The following SUN5 variants were observed in gnomAD, a reference collection of about 807,000 sequenced individuals.
SUN5 encodes the protein SUN domain-containing protein 5.
SUN5 carries 44 observed loss-of-function variants against 53.7 expected under a neutral mutation model. The ratio of observed to expected loss-of-function variants is 0.82; its 90% CI spans 0.64 to 1.05. The LOEUF (loss-of-function observed/expected upper bound fraction) is 1.05. Ranked by LOEUF, SUN5 falls within the 50% of genes least tolerant of loss-of-function variation. The pLI, the probability that SUN5 is intolerant of heterozygous loss-of-function variation, is 0.00. For synonymous variants in SUN5, 166 were observed against 179.8 expected, an observed-to-expected ratio of 0.92 and a Z score of 0.62; for missense variants, 433 against 483.8, an observed-to-expected ratio of 0.90 and a Z score of 0.98.
chr20:33,000,406 G>T (rs1378784009), intron 4 of SUN5, among the ~76,000 whole-genome samples: 4 of 152,200 alleles, frequency 2.6e-5, no homozygotes, highest in Non-Finnish European at 5.9e-5. Context: ...GCTGAGCTAG[G>T]CTCAGAATAG....
chr20:32,985,308 G>T lies in SUN5; in HGVS notation c.898-123C>A, dbSNP rs147902721. ...GGAGCTCACTACCTCTTTGGGCACCGTTTCACTGTGGCACAGTGTAATGAA... is the reference window on the plus strand; with the variant it reads ...GGAGCTCACTACCTCTTTGGGCACCTTTTCACTGTGGCACAGTGTAATGAA... On this transcript the variant is annotated intron_variant, in intron 11 of 12. Coordinates refer to ENST00000356173, the MANE Select transcript of SUN5 (RefSeq NM_080675.4). 6 of 814,482 alleles carry T rather than the reference G, an allele frequency of 7.4e-6. No homozygotes were observed. In the African/African-American group the frequency reaches 8.5e-5, roughly 12 times the overall value. The allele number at this position is 814,482 out of a possible 1,614,324, so 50.5% of individuals were successfully genotyped here.
At chr20:33,001,723 C>T (rs747137159) in intron 3 of SUN5, among the ~76,000 whole-genome samples, 5 of 132,688 alleles carry the variant, frequency 3.8e-5, no homozygotes, top group Non-Finnish European at 7.8e-5. Flanking sequence ...GGCTGGAGTG[C>T]AGTGGCATGA....
At chr20:32,989,316 G>A (rs1989642494) in intron 9 of SUN5, among the ~76,000 whole-genome samples, 1 of 152,102 alleles carries the variant, frequency 6.6e-6, no homozygotes, top group African/African-American at 2.4e-5. Context: ...GGTGGGTGGG[G>A]GTGGTGGAGA....
At chr20:32,998,824 C>T (rs759789302) in intron 5 of SUN5, among the ~76,000 whole-genome samples, 80 of 149,402 alleles carry the variant, frequency 5.4e-4, no homozygotes, top group Non-Finnish European at 8.3e-4. Context: ...TAGACCAAAC[C>T]GGGCAACACA....
rs951159609 is a variant in SUN5, at chr20:32,987,720, G to A, written c.669C>T (p.His223=). ...TSVTYNHEKA[H]SYWNWIQLWN... ...ACAGCTGGATCCAGTTCCAGTAGGAGTGGGCCTTCTCATGGTTATAGGTGA... is the reference window on the plus strand; with the variant it reads ...ACAGCTGGATCCAGTTCCAGTAGGAATGGGCCTTCTCATGGTTATAGGTGA... The change falls in exon 10 of 13, where the codon CAC becomes CAT. Residue 223 remains histidine (H), a synonymous_variant. Transcript: ENST00000356173. 1 of 1,613,562 alleles carries A rather than the reference G, an allele frequency of 6.2e-7. No individual in the cohort carries two copies. Among genetic ancestry groups the A allele is most frequent in the African/African-American group, 1.3e-5 (1 of 74,886 alleles).
intron 1 of SUN5, among the ~76,000 whole-genome samples, chr20:33,003,373 C>A (rs1009584912): frequency 6.6e-6 from 1 of 152,040 alleles, no homozygotes; most frequent in East Asian, 1.9e-4. Context: ...CTAAATGAGA[C>A]CCACAGAAAA....
chr20:32,991,541 C>T (rs1355203800), intron 8 of SUN5, among the ~76,000 whole-genome samples: 3 of 152,102 alleles, frequency 2.0e-5, no homozygotes, highest in Admixed American at 6.5e-5. Flanking sequence ...ATCACTATAC[C>T]TTACTGCCTT....
At chr20:32,993,894 A>G (rs1205756098) in intron 8 of SUN5, among the ~76,000 whole-genome samples, 1 of 152,214 alleles carries the variant, frequency 6.6e-6, no homozygotes, top group East Asian at 1.9e-4. Flanking sequence ...CCATTACCCT[A>G]GAAGGGGTGG....
chr20:32,998,884 A>G (rs957435127), intron 5 of SUN5, among the ~76,000 whole-genome samples: 1 of 152,144 alleles, frequency 6.6e-6, no homozygotes, highest in African/African-American at 2.4e-5. Context: ...AAAATTAAAA[A>G]ATTAGCTGGG....
At chr20:33,002,531 G>T in intron 3 of SUN5, 56 bp downstream of exon 3, 1 of 1,579,544 alleles carries the variant, frequency 6.3e-7, no homozygotes, top group African/African-American at 1.3e-5. Flanking sequence ...GCCGAGGCTG[G>T]ACCCTCTCCC....
chr20:32,985,694 G>T (rs775201666), intron 11 of SUN5, 42 bp downstream of exon 11: 1 of 1,601,690 alleles, frequency 6.2e-7, no homozygotes, highest in African/African-American at 1.3e-5. Context: ...TTGGAAGGTT[G>T]TCCCTTTAGC....
chr20:32,998,866 T>A (rs1022069301), intron 5 of SUN5, among the ~76,000 whole-genome samples: 4 of 142,456 alleles, frequency 2.8e-5, no homozygotes, highest in East Asian at 4.6e-4. Flanking sequence ...AAAAAAAAAA[T>A]TTAAACAAAA....
At chr20:32,996,240 A>G (rs1408954521) in intron 7 of SUN5, 84 bp downstream of exon 7, 5 of 1,406,596 alleles carry the variant, frequency 3.6e-6, no homozygotes, top group African/African-American at 2.8e-5. Context: ...TGCAGAGCCT[A>G]TATTTGTAGC....
rs953550012 is a variant in SUN5, at chr20:33,002,864, T to C, written c.133A>G (p.Met45Val). ...CAGGGCACCTGTCCTTGCTCACTCA[T>C]GTTTGGGGAGGTGTCCTCTGCCATC... ...SRMAEDTSPN[M>V]NDNILLPVRN... is the part of the protein sequence containing the mutation. The change falls in exon 2 of 13, where the codon ATG becomes GTG. Residue 45 changes from methionine (M) to valine (V), a missense_variant. Met to Val is a conservative substitution (Grantham distance 21, BLOSUM62 1). Transcript: ENST00000356173. 3 of 1,613,970 alleles carry C rather than the reference T, an allele frequency of 1.9e-6. No individual in the cohort carries two copies. The highest frequency in any genetic ancestry group is 2.7e-5 in the African/African-American group (2 of 74,930).
chr20:32,991,679 C>A (rs1285232541), intron 8 of SUN5, among the ~76,000 whole-genome samples: 1 of 152,182 alleles, frequency 6.6e-6, no homozygotes, highest in Non-Finnish European at 1.5e-5. Flanking sequence ...AGGGGAGATT[C>A]AGGGGCACTG....
At chr20:32,999,388 T>G (rs1472267605) in intron 5 of SUN5, among the ~76,000 whole-genome samples, 3 of 150,994 alleles carry the variant, frequency 2.0e-5, no homozygotes, top group East Asian at 3.9e-4. Flanking sequence ...AGGTCAGGAG[T>G]TCAAGACCAG....
intron 8 of SUN5, among the ~76,000 whole-genome samples, chr20:32,994,982 C>T (rs964806510): frequency 1.3e-5 from 2 of 151,798 alleles, no homozygotes; most frequent in South Asian, 4.2e-4. Flanking sequence ...AACATAAGCA[C>T]ATAACAGAAA....
intron 8 of SUN5, among the ~76,000 whole-genome samples, chr20:32,991,817 C>T (rs922683028): frequency 3.3e-5 from 5 of 152,108 alleles, no homozygotes; most frequent in African/African-American, 1.2e-4. Flanking sequence ...GTTGATGGAT[C>T]GAAGACATCA....
intron 11 of SUN5, 22 bp downstream of exon 11, chr20:32,985,714 C>T (rs1989517769): frequency 1.2e-6 from 2 of 1,612,206 alleles, no homozygotes; most frequent in African/African-American, 1.3e-5. Context: ...CTAAGCATAG[C>T]TCCCTGCAGG....
Sources: gnomAD v4.1 joint callset for allele counts (sites outside exome capture counted in the v4.1 genomes callset) on GRCh38, gnomAD v4.1.1 for gene constraint, MANE v1.5 for transcripts, NCBI Gene and HGNC (gene_info 2026-07-23, HGNC 2026-07-21) for gene names.